The following PTPRG variants were observed in gnomAD, a reference collection of about 807,000 sequenced individuals.
PTPRG encodes receptor-type tyrosine-protein phosphatase gamma.
In PTPRG, 102 loss-of-function variants were observed where a neutral mutation model predicts 165.3. That is an observed-to-expected ratio of 0.62 (90% CI 0.53 to 0.73). PTPRG has a LOEUF of 0.73. Among genes scored for constraint, PTPRG ranks in the 30% least tolerant of loss-of-function variants. The pLI is 0.00. For synonymous variants in PTPRG, 675 were observed against 669.5 expected (o/e 1.01, Z -0.13); for missense variants, 1,866 against 1,861.4 (o/e 1.00, Z -0.05).
At chr3:62,267,646 A>C (rs1701924588) in intron 18 of PTPRG, 39 bp from the exon 19 acceptor site, 1 of 1,597,980 alleles carries the variant, frequency 6.3e-7, no homozygotes, top group South Asian at 1.1e-5. Flanking sequence ...CTTCTGTGAT[A>C]ACTGCTTTCA....
At chr3:61,817,857 A>G (rs550016618) in intron 2 of PTPRG, among the ~76,000 whole-genome samples, 1 of 152,304 alleles carries the variant, frequency 6.6e-6, no homozygotes, top group Non-Finnish European at 1.5e-5. Flanking sequence ...TCATTTTCCA[A>G]ACTAATAACC....
chr3:62,066,442 T>C (rs1701015328), intron 4 of PTPRG, among the ~76,000 whole-genome samples: 1 of 152,230 alleles, frequency 6.6e-6, no homozygotes, highest in South Asian at 2.1e-4. Context: ...CCAGACTTCA[T>C]TTCATGGTGA....
At chr3:61,864,265 C>T (rs1291373164) in intron 2 of PTPRG, among the ~76,000 whole-genome samples, 2 of 152,074 alleles carry the variant, frequency 1.3e-5, no homozygotes, top group Non-Finnish European at 2.9e-5. Flanking sequence ...TCATTTTACC[C>T]TTATTTACCC....
At chr3:61,972,213 A>T (rs2040400624) in intron 2 of PTPRG, among the ~76,000 whole-genome samples, 1 of 152,258 alleles carries the variant, frequency 6.6e-6, no homozygotes. Context: ...GGCTGAGGAC[A>T]GCAGAAAAAT....
At chr3:62,088,963 C>A (rs530537253) in intron 5 of PTPRG, among the ~76,000 whole-genome samples, 1 of 152,222 alleles carries the variant, frequency 6.6e-6, no homozygotes, top group Non-Finnish European at 1.5e-5. Context: ...TATTAACCAT[C>A]TTTAACTGTA....
intron 6 of PTPRG, among the ~76,000 whole-genome samples, chr3:62,137,044 A>G (rs1380404098): frequency 6.6e-6 from 1 of 152,210 alleles, no homozygotes; most frequent in African/African-American, 2.4e-5. Flanking sequence ...GGAAATATAA[A>G]TAGAATGGAG....
intron 12 of PTPRG, among the ~76,000 whole-genome samples, chr3:62,206,268 C>T (rs185939450): frequency 6.6e-6 from 1 of 152,220 alleles, no homozygotes; most frequent in Non-Finnish European, 1.5e-5. Flanking sequence ...ACTTTGGGGG[C>T]TCCCTACTCC....
At chr3:61,702,239 A>C (rs905665225) in intron 1 of PTPRG, among the ~76,000 whole-genome samples, 4 of 152,120 alleles carry the variant, frequency 2.6e-5, no homozygotes, top group Non-Finnish European at 5.9e-5. Flanking sequence ...TCGGCCTCCC[A>C]AAGTGCTGGG....
intron 4 of PTPRG, among the ~76,000 whole-genome samples, chr3:62,045,378 A>G (rs1219308649): frequency 2.0e-5 from 3 of 152,234 alleles, no homozygotes. Context: ...TGGAGGCTAC[A>G]AAGCTGGTGT....
chr3:61,643,660 A>G (rs1702123707), intron 1 of PTPRG, among the ~76,000 whole-genome samples: 1 of 152,036 alleles, frequency 6.6e-6, no homozygotes, highest in Admixed American at 6.6e-5. Flanking sequence ...CACGCCTGTA[A>G]TCCCAGACAG....
intron 1 of PTPRG, among the ~76,000 whole-genome samples, chr3:61,715,112 C>T (rs978981919): frequency 4.6e-5 from 7 of 151,130 alleles, no homozygotes; most frequent in Non-Finnish European, 8.8e-5. Flanking sequence ...TACTTAAAGC[C>T]GGGATGGTCT....
intron 2 of PTPRG, among the ~76,000 whole-genome samples, chr3:61,844,674 CCCT>C (rs1347953121): frequency 3.4e-5 from 4 of 118,540 alleles, no homozygotes; most frequent in African/African-American, 1.9e-4. Context: ...TTTTTTTTCC[CCCT>C]GTTTGGTAGA....
intron 2 of PTPRG, among the ~76,000 whole-genome samples, chr3:61,887,123 C>CATACATATATATAT (rs2038061707): frequency 1.2e-5 from 1 of 85,976 alleles, no homozygotes; most frequent in East Asian, 8.6e-4. Flanking sequence ...CCATAGCATG[C>CATACATATATATAT]ATATATATAT....
intron 2 of PTPRG, among the ~76,000 whole-genome samples, chr3:61,941,247 C>T (rs987539555): frequency 1.3e-4 from 20 of 152,262 alleles, no homozygotes; most frequent in South Asian, 4.1e-4. Context: ...TAAAGGGCTT[C>T]GCCCAGTGCC....
At chr3:62,277,943 A>T (rs1702289301) in intron 26 of PTPRG, among the ~76,000 whole-genome samples, 1 of 152,020 alleles carries the variant, frequency 6.6e-6, no homozygotes, top group Non-Finnish European at 1.5e-5. Context: ...AGGTTTTGAA[A>T]ATGTTTTTAG....
intron 6 of PTPRG, among the ~76,000 whole-genome samples, chr3:62,138,760 A>T (rs1576051205): frequency 1.3e-5 from 2 of 149,768 alleles, no homozygotes; most frequent in African/African-American, 4.9e-5. Flanking sequence ...CATGTGCATT[A>T]TACGTCGCTT....
intron 1 of PTPRG, among the ~76,000 whole-genome samples, chr3:61,700,800 C>G (rs2030911051): frequency 6.6e-6 from 1 of 152,180 alleles, no homozygotes; most frequent in Non-Finnish European, 1.5e-5. Context: ...CTGTCATTTT[C>G]ATTCTGGGTA....
At chr3:61,754,486 T>C (rs1407156878) in intron 2 of PTPRG, among the ~76,000 whole-genome samples, 2 of 152,234 alleles carry the variant, frequency 1.3e-5, no homozygotes, top group Non-Finnish European at 2.9e-5. Context: ...TGTAGAATCC[T>C]TGAAGACAAG....
rs1703043323 is a variant in PTPRG at position 62,295,826 on chromosome 3, T to C, written c.*2519T>C. The C allele has an allele frequency of 6.6e-6, 1 of 152,104 alleles. No individual in the cohort carries two copies. The allele number at this position is 152,104 out of a possible 1,614,324, so 9.4% of individuals were successfully genotyped here. A position where few individuals can be genotyped will look rare whatever the true frequency, so the allele number is the denominator to read the frequency against. On this transcript the variant is annotated 3_prime_UTR_variant, in exon 30 of 30. Coordinates refer to ENST00000474889, the MANE Select transcript of PTPRG (RefSeq NM_002841.4). The stretch of plus-strand genomic sequence containing the variant: ...TGCAAGAGACAGCATATCCTCACTA[T>C]TATTATTCATGTGTTATTGGCAAAA...
Sources: allele counts gnomAD v4.1 joint callset (sites outside exome capture counted in the v4.1 genomes callset), GRCh38; gene constraint gnomAD v4.1.1; transcripts MANE v1.5; gene names NCBI Gene and HGNC (gene_info 2026-07-23, HGNC 2026-07-21).